The following DLGAP1 variants were observed in gnomAD, a reference collection of about 807,000 sequenced individuals.
The protein encoded by DLGAP1 is disks large-associated protein 1.
In DLGAP1, 11 loss-of-function variants were observed where a neutral mutation model predicts 90.8. That is an observed-to-expected ratio of 0.12 (90% CI 0.08 to 0.20). The LOEUF is 0.20. Ranked by LOEUF, DLGAP1 falls within the 10% of genes least tolerant of loss-of-function variation. The pLI is 1.00. For missense variants in DLGAP1, 1,050 were observed against 1,333.8 expected, an observed-to-expected ratio of 0.79 and a Z score of 3.31; for synonymous variants, 558 against 540.7, an observed-to-expected ratio of 1.03 and a Z score of -0.44.
At chr18:3,534,145 G>C in intron 10 of DLGAP1, 49 bp downstream of exon 10, 1 of 1,569,588 alleles carries the variant, frequency 6.4e-7, no homozygotes, top group Non-Finnish European at 8.6e-7. Flanking sequence ...CACACACAAA[G>C]CAACCCCAGC....
chr18:4,017,026 A>T (rs756800769), intron 2 of DLGAP1, among the ~76,000 whole-genome samples: 20 of 152,196 alleles, frequency 1.3e-4, no homozygotes, highest in Non-Finnish European at 2.5e-4. Flanking sequence ...ATATTTTCAG[A>T]TGAATAAGAG....
intron 7 of DLGAP1, among the ~76,000 whole-genome samples, chr18:3,583,126 T>C (rs943106541): frequency 6.6e-6 from 1 of 151,194 alleles, no homozygotes; most frequent in African/African-American, 2.4e-5. Flanking sequence ...CCTTTCTGTC[T>C]TTCTGCCTGA....
In DLGAP1 at chr18:3,856,817, C is replaced by A. The variant is rs544672352; in HGVS notation, c.957+22295G>T. 7.2e-5 allele frequency among the ~76,000 whole-genome samples: 11 copies of A among 151,782 alleles called. No homozygotes were observed. In the Middle Eastern group the frequency reaches 0.01, roughly 141 times the overall value. ...CAGATCTTGCAGTGAGCCGAGATTC[C>A]GCCACCGCACTCCAGCCTGGGCGAC... On this transcript the variant is annotated intron_variant, in intron 4 of 12. Coordinates refer to ENST00000315677, the MANE Select transcript of DLGAP1 (RefSeq NM_004746.4).
chr18:3,526,458 G>A lies in DLGAP1; in HGVS notation c.2479+7736C>T, dbSNP rs923597094. Among the ~76,000 whole-genome samples the A allele has an allele frequency of 3.9e-5, 6 of 152,216 alleles. No homozygotes were observed. Among genetic ancestry groups the A allele is most frequent in the African/African-American group, 1.4e-4 (6 of 41,454 alleles). On this transcript the variant is annotated intron_variant, in intron 10 of 12. Transcript: ENST00000315677. This position sits in a 1 kb window ranked among gnomAD's most constrained non-coding sequence, Gnocchi z 4.7. Reference sequence around the variant, plus strand: ...TTACCAGCCCCGCATTCGCTGCCAAGGGTCCCAAGCCTTCTAGGGGACTGA... The same window carrying A: ...TTACCAGCCCCGCATTCGCTGCCAAAGGTCCCAAGCCTTCTAGGGGACTGA...
At chr18:3,704,306 C>G (rs1201350015) in intron 7 of DLGAP1, among the ~76,000 whole-genome samples, 1 of 152,164 alleles carries the variant, frequency 6.6e-6, no homozygotes. Flanking sequence ...TGTGGTGGCT[C>G]ATGCCTGTAA....
At position 3,729,863 on chromosome 18, in the gene DLGAP1, T is replaced by C. The variant is rs933173756; in HGVS notation, c.1351-488A>G. On this transcript the variant is annotated intron_variant, in intron 6 of 12. Coordinates refer to ENST00000315677, the MANE Select transcript of DLGAP1 (RefSeq NM_004746.4). The surrounding 1 kb of genome is among the most constrained non-coding windows in gnomAD (Gnocchi z 6.2). ...GTTCATGTATTTTGGTATCACTTTT[T>C]AGCACAAACATTTTAGAAACGAGTA... Among the ~76,000 whole-genome samples the C allele has an allele frequency of 6.6e-6, 1 of 152,250 alleles. No individual in the cohort carries two copies. The highest frequency in any genetic ancestry group is 2.4e-5 in the African/African-American group (1 of 41,468).
At chr18:3,556,788 C>T (rs552148709) in intron 9 of DLGAP1, among the ~76,000 whole-genome samples, 76 of 152,190 alleles carry the variant, frequency 5.0e-4, no homozygotes, top group African/African-American at 1.8e-3. Context: ...AACAAAATTG[C>T]TGACTTGTAT....
At chr18:4,408,860 A>T (rs1206189254) in intron 1 of DLGAP1, among the ~76,000 whole-genome samples, 1 of 152,090 alleles carries the variant, frequency 6.6e-6, no homozygotes, top group Non-Finnish European at 1.5e-5. Context: ...GTCAAATAAG[A>T]ATATTTCTGG....
intron 9 of DLGAP1, among the ~76,000 whole-genome samples, chr18:3,542,696 A>G (rs1168320158): frequency 6.6e-6 from 1 of 152,232 alleles, no homozygotes. Flanking sequence ...GGAACTAAGG[A>G]GTATACAATT....
intron 1 of DLGAP1, among the ~76,000 whole-genome samples, chr18:4,156,803 G>A (rs999055165): frequency 3.3e-5 from 5 of 152,118 alleles, no homozygotes; most frequent in African/African-American, 1.2e-4. Context: ...TAGCACTTAA[G>A]AATTTTTTTT....
At position 3,972,509 on chromosome 18, in the gene DLGAP1, T is replaced by A. The variant is rs187336796; in HGVS notation, c.-73+32607A>T. ...GCAGTTGAGTCACACACACACACAC[T>A]CTCTCTCTCTCTCTTTCTTTCTTTC... On this transcript the variant is annotated intron_variant, in intron 3 of 12. Coordinates refer to ENST00000315677, the MANE Select transcript of DLGAP1 (RefSeq NM_004746.4). 1.1e-3 allele frequency among the ~76,000 whole-genome samples: 164 copies of A among 149,878 alleles called. 1 individual carries two copies. Among genetic ancestry groups the A allele is most frequent in the African/African-American group, 3.6e-3 (146 of 40,924 alleles).
At chr18:4,303,730 A>C (rs1379397738) in intron 1 of DLGAP1, among the ~76,000 whole-genome samples, 1 of 152,228 alleles carries the variant, frequency 6.6e-6, no homozygotes, top group Non-Finnish European at 1.5e-5. Context: ...AACTTCAATT[A>C]TGCAAAGAGT....
At chr18:4,366,774 T>C (rs2144159899) in intron 1 of DLGAP1, among the ~76,000 whole-genome samples, 1 of 152,056 alleles carries the variant, frequency 6.6e-6, no homozygotes, top group East Asian at 1.9e-4. Context: ...TCTTTCTACT[T>C]GATAATGTGA....
chr18:4,198,955 T>C (rs958078730), intron 1 of DLGAP1, among the ~76,000 whole-genome samples: 5 of 152,186 alleles, frequency 3.3e-5, no homozygotes, highest in African/African-American at 9.7e-5. Context: ...TGCATTGTAG[T>C]GGGTGGAGGG....
At chr18:4,247,848 A>C (rs964901833) in intron 1 of DLGAP1, among the ~76,000 whole-genome samples, 1 of 152,186 alleles carries the variant, frequency 6.6e-6, no homozygotes, top group Non-Finnish European at 1.5e-5. Context: ...CAAGAGGATT[A>C]AATGTCTTTT....
At chr18:3,939,264 C>T (rs998187627) in intron 3 of DLGAP1, among the ~76,000 whole-genome samples, 2 of 151,638 alleles carry the variant, frequency 1.3e-5, no homozygotes, top group African/African-American at 4.8e-5. Flanking sequence ...ATTAAAAATA[C>T]GAAAGTTAGC....
Position 4,176,783 on chromosome 18 carries a change from G to T in DLGAP1, c.-266-25496C>A, listed in dbSNP as rs1251406216. Among the ~76,000 whole-genome samples, 3 of 152,204 alleles carry T rather than the reference G, an allele frequency of 2.0e-5. No homozygotes were observed. The East Asian group carries it at 5.8e-4, about 29-fold the overall frequency. On this transcript the variant is annotated intron_variant, in intron 1 of 12. Transcript: ENST00000315677. ...GTTCTGAGATAAGTTGGCCAAGACA[G>T]GACTTTGTGTGAGAATTGGAAGAAG... is the stretch of plus-strand genomic sequence containing the variant.
rs567651290 is a variant in DLGAP1 at position 4,296,185 on chromosome 18, C to T, written c.-266-144898G>A. Among the ~76,000 whole-genome samples, 32 of 152,250 alleles carry T rather than the reference C, an allele frequency of 2.1e-4. No homozygotes were observed. In the South Asian group the frequency reaches 3.5e-3, roughly 17 times the overall value. On this transcript the variant is annotated intron_variant, in intron 1 of 12. Transcript: ENST00000315677. ...TGCGTCTTAATTTTGTTAGAACTTG[C>T]CTTATTATAATTAAGCACGCAGCCT...
intron 2 of DLGAP1, among the ~76,000 whole-genome samples, chr18:4,049,390 C>T (rs1353194537): frequency 1.3e-5 from 2 of 152,098 alleles, no homozygotes; most frequent in Non-Finnish European, 2.9e-5. Context: ...GTCTGAGGGG[C>T]TTCCCGTCTC....
Sources: allele counts gnomAD v4.1 joint callset (sites outside exome capture counted in the v4.1 genomes callset), GRCh38; gene constraint gnomAD v4.1.1; non-coding constraint Gnocchi (gnomAD v3.1); transcripts MANE v1.5; gene names NCBI Gene and HGNC (gene_info 2026-07-23, HGNC 2026-07-21).